The following PRELID2 variants were observed in gnomAD, a reference collection of about 807,000 sequenced individuals.
PRELID2 encodes PRELI domain-containing protein 2.
A neutral mutation model predicts 28.4 loss-of-function variants in PRELID2; 25 were observed. The observed-to-expected ratio is 0.88, with a 90% confidence interval of 0.64 to 1.23. The LOEUF is 1.23. Ranked by LOEUF, PRELID2 falls within the 50% of genes most tolerant of loss-of-function variation. PRELID2 has a pLI of 0.00. For missense variants in PRELID2, 201 were observed against 214.4 expected, an observed-to-expected ratio of 0.94 and a Z score of 0.39; for synonymous variants, 76 against 71.6, an observed-to-expected ratio of 1.06 and a Z score of -0.31.
At chr5:145,237,526 T>C in the PRELID2 span, among the ~76,000 whole-genome samples, 2 of 152,144 alleles carry the variant, frequency 1.3e-5, no homozygotes, top group African/African-American at 4.8e-5. Context: ...CAATTATTAA[T>C]GTCTGCCACG....
At chr5:145,330,889 C>T in the PRELID2 span, among the ~76,000 whole-genome samples, 7 of 152,012 alleles carry the variant, frequency 4.6e-5, no homozygotes, top group Non-Finnish European at 5.9e-5. Context: ...TAGATCTTTC[C>T]GGCTTTCTCC....
chr5:145,389,191 A>G, the PRELID2 span, among the ~76,000 whole-genome samples: 3 of 152,164 alleles, frequency 2.0e-5, no homozygotes, highest in Non-Finnish European at 4.4e-5. Context: ...TGCCTCCCCT[A>G]CCGCTTGTAG....
the PRELID2 span, among the ~76,000 whole-genome samples, chr5:145,391,372 C>T: frequency 2.0e-5 from 3 of 152,230 alleles, no homozygotes; most frequent in South Asian, 2.1e-4. Flanking sequence ...GAAGCAATGG[C>T]CTGAGCTGTA....
chr5:145,257,972 A>G, the PRELID2 span, among the ~76,000 whole-genome samples: 1 of 152,052 alleles, frequency 6.6e-6, no homozygotes, highest in Non-Finnish European at 1.5e-5. Flanking sequence ...TTCTCATGAG[A>G]TCTGGTTGTC....
chr5:145,631,360 C>T (rs144819339), intron 1 of PRELID2, among the ~76,000 whole-genome samples: 188 of 152,266 alleles, frequency 1.2e-3, no homozygotes, highest in African/African-American at 4.3e-3. Flanking sequence ...CTCAGAAATA[C>T]CATAACTAAA....
intron 1 of PRELID2, among the ~76,000 whole-genome samples, chr5:145,481,690 C>T (rs1182438372): frequency 7.7e-6 from 1 of 129,108 alleles, no homozygotes; most frequent in Admixed American, 7.7e-5. Flanking sequence ...AAATCATAGG[C>T]AGAAAGGAAG....
intron 1 of PRELID2, among the ~76,000 whole-genome samples, chr5:145,742,531 CAA>C (rs70998035): frequency 0.021 from 2,298 of 107,592 alleles, 54 homozygotes; most frequent in African/African-American, 0.067. Context: ...CAAGGGATAC[CAA>C]AAAAAAAAAA....
At chr5:145,375,461 A>G in the PRELID2 span, among the ~76,000 whole-genome samples, 3 of 152,114 alleles carry the variant, frequency 2.0e-5, no homozygotes, top group African/African-American at 2.4e-5. Context: ...TTGGGTGTCC[A>G]GGGGAATAGG....
chr5:145,388,817 T>C, the PRELID2 span, among the ~76,000 whole-genome samples: 4 of 152,152 alleles, frequency 2.6e-5, no homozygotes, highest in Admixed American at 6.5e-5. Context: ...ACCACCCAAT[T>C]TAAAGTAACA....
At chr5:145,666,458 A>C (rs1318398748) in intron 1 of PRELID2, among the ~76,000 whole-genome samples, 1 of 152,016 alleles carries the variant, frequency 6.6e-6, no homozygotes, top group African/African-American at 2.4e-5. Context: ...TTTTTCAGAA[A>C]AGTGAGGCAT....
In PRELID2 at chr5:145,653,629, C is replaced by A. The variant is rs548072819; in HGVS notation, n.70+111302G>T. Among the ~76,000 whole-genome samples the A allele has an allele frequency of 3.9e-4, 59 of 152,312 alleles. 1 individual carries two copies. The South Asian group carries it at 8.9e-3, about 23-fold the overall frequency. ...ACCACTCAACTACGTGAAAACTGAA[C>A]AATCTGCTCCTGAATGACCACTGGG... On this transcript the variant is annotated intron_variant and non_coding_transcript_variant, in intron 1 of 2. Transcript: ENST00000510259.
chr5:145,387,936 CAAA>C, the PRELID2 span, among the ~76,000 whole-genome samples: 13 of 111,030 alleles, frequency 1.2e-4, no homozygotes, highest in Non-Finnish European at 1.1e-4. Context: ...AAGACAGAAC[CAAA>C]AAAAAAAAAA....
At chr5:145,421,190 TTC>T in the PRELID2 span, among the ~76,000 whole-genome samples, 1 of 150,896 alleles carries the variant, frequency 6.6e-6, no homozygotes, top group Non-Finnish European at 1.5e-5. Context: ...TGGTCTAAAA[TTC>T]TCTTTTTTTG....
the PRELID2 span, among the ~76,000 whole-genome samples, chr5:145,330,964 G>T: frequency 6.6e-6 from 1 of 152,036 alleles, no homozygotes; most frequent in Admixed American, 6.6e-5. Flanking sequence ...AGAGATTCTG[G>T]TATGTTGTGA....
chr5:145,274,777 T>C, the PRELID2 span, among the ~76,000 whole-genome samples: 87 of 152,258 alleles, frequency 5.7e-4, no homozygotes, highest in African/African-American at 2.0e-3. Flanking sequence ...AAAGGCCAGT[T>C]TGACGTAGAG....
chr5:145,797,502 G>A (rs1752840530), intron 4 of PRELID2, among the ~76,000 whole-genome samples: 2 of 152,126 alleles, frequency 1.3e-5, no homozygotes, highest in Admixed American at 6.6e-5. Flanking sequence ...GACTCAGAGT[G>A]CTAAAGGAAA....
intron 1 of PRELID2, among the ~76,000 whole-genome samples, chr5:145,481,036 T>G (rs1049931629): frequency 3.3e-5 from 5 of 152,180 alleles, no homozygotes; most frequent in African/African-American, 1.2e-4. Context: ...AGTCAGCCTC[T>G]ATAATTCTTT....
At chr5:145,388,147 T>C in the PRELID2 span, among the ~76,000 whole-genome samples, 2 of 152,156 alleles carry the variant, frequency 1.3e-5, no homozygotes, top group Non-Finnish European at 2.9e-5. Flanking sequence ...ACCAGTAAAG[T>C]AGGGAATTGA....
chr5:145,532,710 G>A (rs1271564580), intron 1 of PRELID2, among the ~76,000 whole-genome samples: 2 of 152,068 alleles, frequency 1.3e-5, no homozygotes, highest in African/African-American at 4.8e-5. Flanking sequence ...GTGAGATCGT[G>A]TAGTATTTGT....
Sources: gnomAD v4.1 joint callset for allele counts (sites outside exome capture counted in the v4.1 genomes callset) on GRCh38, gnomAD v4.1.1 for gene constraint, MANE v1.5 for transcripts, NCBI Gene and HGNC (gene_info 2026-07-23, HGNC 2026-07-21) for gene names.